The following CDON variants were observed in gnomAD, a reference collection of about 807,000 sequenced individuals.
CDON encodes cell adhesion associated, oncogene regulated, also known as cell adhesion molecule-related/down-regulated by oncogenes.
Under a neutral mutation model 120.9 loss-of-function variants are expected in CDON, and 73 were observed. That is an observed-to-expected ratio of 0.60 (90% confidence interval 0.50 to 0.73). CDON has a LOEUF of 0.73. Among genes scored for constraint, CDON ranks in the 30% least tolerant of loss-of-function variants. The probability of loss-of-function intolerance (pLI) is 0.00; values close to 1 mark genes in which losing one functional copy is unlikely to be tolerated. For missense variants in CDON, 1,470 were observed against 1,587.3 expected (o/e 0.93, Z 1.26); for synonymous variants, 566 against 573.5 (o/e 0.99, Z 0.19).
At chr11:125,995,304 C>G (rs142015883) in intron 12 of CDON, among the ~76,000 whole-genome samples, 58 of 152,258 alleles carry the variant, frequency 3.8e-4, no homozygotes, top group African/African-American at 1.3e-3. Context: ...CAAGAAAGAG[C>G]ACTGCAAAAG....
intron 1 of CDON, among the ~76,000 whole-genome samples, chr11:126,028,707 A>AATTTATTTATTTATTT (rs60571626): frequency 7.5e-5 from 11 of 145,820 alleles, no homozygotes; most frequent in South Asian, 2.2e-4. Context: ...AGCTGCGGAG[A>AATTTATTTATTTATTT]ATTTATTTAT....
chr11:126,028,875 A>T (rs1332639443), intron 1 of CDON, among the ~76,000 whole-genome samples: 5 of 151,742 alleles, frequency 3.3e-5, no homozygotes, highest in Non-Finnish European at 7.4e-5. Context: ...TCTAGATAAC[A>T]CTCTATGAAT....
intron 9 of CDON, among the ~76,000 whole-genome samples, chr11:126,004,758 C>T (rs1947063581): frequency 6.6e-6 from 1 of 152,090 alleles, no homozygotes; most frequent in South Asian, 2.1e-4. Context: ...TGTTATTTTT[C>T]CTAGTCATTA....
rs537243111 is a variant in CDON at position 126,021,358 on chromosome 11, C to T, written c.239G>A (p.Gly80Glu). Residue 80 changes from glycine to glutamate, a missense_variant, in exon 3 of 20, where the codon GGG becomes GAG. Physicochemically the swap from Gly to Glu is moderately conservative, Grantham distance 98 (BLOSUM62 -2). Coordinates refer to ENST00000531738, the MANE Select transcript of CDON (RefSeq NM_001378964.1). ...GTTGAGAGAAAGAATTGTCAGAGTC[C>T]CCTGATGAATCTTAACATGTTCCAG... ...GNLEHVKIHQ[G>E]TLTILSLNSS... 7.4e-6 allele frequency: 12 copies of T among 1,614,044 alleles called. No homozygotes were observed. The highest frequency in any genetic ancestry group is 8.5e-6 in the Non-Finnish European group (10 of 1,180,000).
chr11:125,985,816 A>T (rs1316979186), intron 15 of CDON, among the ~76,000 whole-genome samples: 1 of 151,788 alleles, frequency 6.6e-6, no homozygotes, highest in East Asian at 1.9e-4. Context: ...TCAGCAAACA[A>T]CAGGTGCTGG....
intron 1 of CDON, among the ~76,000 whole-genome samples, chr11:126,032,593 C>T (rs766954561): frequency 6.6e-6 from 1 of 152,124 alleles, no homozygotes; most frequent in Non-Finnish European, 1.5e-5. Flanking sequence ...ATGTGGAAAA[C>T]AGTTGAGGAT....
chr11:125,987,849 T>G (rs1048985258), intron 15 of CDON, among the ~76,000 whole-genome samples: 2 of 152,182 alleles, frequency 1.3e-5, no homozygotes, highest in African/African-American at 4.8e-5. Flanking sequence ...TCTAAAGGTA[T>G]ATGGATATAT....
chr11:126,014,753 T>C (rs537242034), intron 7 of CDON: 1 of 157,484 alleles, frequency 6.3e-6, no homozygotes, highest in South Asian at 1.9e-4. Flanking sequence ...TTATGTACCA[T>C]ATGAGAAGAT....
chr11:125,973,956 C>T (rs1336296141), intron 18 of CDON, among the ~76,000 whole-genome samples: 1 of 151,792 alleles, frequency 6.6e-6, no homozygotes, highest in African/African-American at 2.4e-5. Context: ...AGTGCAGTGG[C>T]GTGATCTTGG....
At chr11:125,968,983 T>G (rs994312931) in intron 18 of CDON, among the ~76,000 whole-genome samples, 1 of 152,194 alleles carries the variant, frequency 6.6e-6, no homozygotes, top group Admixed American at 6.5e-5. Context: ...TAACCAGACA[T>G]GATATATGAA....
In CDON at chr11:125,984,054, T is replaced by C. The variant is rs745395683; in HGVS notation, c.2813A>G (p.Asp938Gly). Residue 938 changes from aspartate (D) to glycine (G), a missense_variant, in exon 16 of 20, where the codon GAC becomes GGC. Physicochemically the swap from Asp to Gly is moderately conservative, Grantham distance 94 (BLOSUM62 -1). Coordinates refer to ENST00000531738, the MANE Select transcript of CDON (RefSeq NM_001378964.1). Reference sequence around the variant, plus strand: ...CAAAGAATTTGGAGGGGTACTCAAGTCTTTGACAGGATATTCAGAAGCTCC... The same window carrying C: ...CAAAGAATTTGGAGGGGTACTCAAGCCTTTGACAGGATATTCAGAAGCTCC... Reference protein sequence around the residue: ...VPGASEYPVKDLSTPPNSLGS... With the variant: ...VPGASEYPVKGLSTPPNSLGS... The C allele has an allele frequency of 6.2e-7, 1 of 1,613,906 alleles. No homozygotes were observed. The highest frequency in any genetic ancestry group is 8.5e-7 in the Non-Finnish European group (1 of 1,179,824).
chr11:126,010,301 G>A (rs1261192973), intron 8 of CDON, 40 bp downstream of exon 8: 1 of 1,314,562 alleles, frequency 7.6e-7, no homozygotes, highest in East Asian at 2.5e-5. Context: ...ATTATAAAAG[G>A]AAATTACTCA....
At chr11:125,963,910 C>T (rs1945719085) in intron 18 of CDON, among the ~76,000 whole-genome samples, 1 of 152,172 alleles carries the variant, frequency 6.6e-6, no homozygotes, top group Non-Finnish European at 1.5e-5. Context: ...TAACTGGAGC[C>T]ACAATCAGAG....
intron 16 of CDON, 80 bp from the exon 17 acceptor site, chr11:125,981,409 CACAT>C: frequency 7.0e-7 from 1 of 1,431,102 alleles, no homozygotes; most frequent in Admixed American, 1.7e-5. Flanking sequence ...CACGCATGCA[CACAT>C]GCACATACGC....
Position 125,996,931 on chromosome 11 carries a change from T to C in CDON, c.2362+276A>G, listed in dbSNP as rs2508965. On this transcript the variant is annotated intron_variant, in intron 12 of 19. Coordinates refer to ENST00000531738, the MANE Select transcript of CDON (RefSeq NM_001378964.1). The stretch of plus-strand genomic sequence containing the variant: ...GCTCACGCCTGTAATCCCAGCACTT[T>C]AGTAGGAGACCGAGGGCGGCAAATT... 0.32 allele frequency among the ~76,000 whole-genome samples: 48,274 copies of C among 152,000 alleles called. 7,745 individuals carry two copies. Among genetic ancestry groups the C allele is most frequent in the South Asian group, 0.36 (1,711 of 4,814 alleles).
rs746012079 is a variant in CDON, at chr11:126,023,386, CA to C, written c.76+14del. The C allele has an allele frequency of 2.1e-5, 33 of 1,565,746 alleles. 1 individual carries two copies. In the Admixed American group the frequency reaches 4.2e-4, roughly 20 times the overall value. On this transcript the variant is annotated intron_variant, in intron 2 of 19. Coordinates refer to ENST00000531738, the MANE Select transcript of CDON (RefSeq NM_001378964.1). Reference sequence around the variant, plus strand: ...AGTAAAGGCCAAACCACCCCCTCCCCAATTCTACTCTTACCTGAACTCACAG... The same window carrying C: ...AGTAAAGGCCAAACCACCCCCTCCCCATTCTACTCTTACCTGAACTCACAG...
In CDON at chr11:125,959,470, C is replaced by A. The variant is rs1945578621; in HGVS notation, c.*1472G>T. 6.6e-6 allele frequency: 1 copy of A among 152,052 alleles called. No homozygotes were observed. Among genetic ancestry groups the A allele is most frequent in the Non-Finnish European group, 1.5e-5 (1 of 68,030 alleles). 9.4% of individuals were successfully genotyped at this position (152,052 alleles called of 1,614,324 possible). On this transcript the variant is annotated 3_prime_UTR_variant, in exon 20 of 20. Transcript: ENST00000531738. The stretch of plus-strand genomic sequence containing the variant: ...GTGAAGAGCCTTCCAAAGGCAGCTG[C>A]AAATGTCCTTGTCACGCAGAGGCAG...
rs1948546811 is a variant in CDON at position 126,051,047 on chromosome 11, A to G, written c.-62+11532T>C. ...TTTTTTTCCAGAAAACTCACATTTCAACATGAAGGAAAAAAAATCCTTAAT... is the reference window on the plus strand; with the variant it reads ...TTTTTTTCCAGAAAACTCACATTTCGACATGAAGGAAAAAAAATCCTTAAT... On this transcript the variant is annotated intron_variant, in intron 1 of 19. Transcript: ENST00000531738. Among the ~76,000 whole-genome samples, 3 of 152,152 alleles carry G rather than the reference A, an allele frequency of 2.0e-5. No homozygotes were observed. In the South Asian group the frequency reaches 6.2e-4, roughly 32 times the overall value.
intron 1 of CDON, among the ~76,000 whole-genome samples, chr11:126,029,036 C>A (rs1947878307): frequency 6.6e-6 from 1 of 152,058 alleles, no homozygotes. Flanking sequence ...CAATAGCCAA[C>A]CCCATCCCTC....
Sources: allele counts gnomAD v4.1 joint callset (sites outside exome capture counted in the v4.1 genomes callset), GRCh38; gene constraint gnomAD v4.1.1; transcripts MANE v1.5; gene names NCBI Gene and HGNC (gene_info 2026-07-23, HGNC 2026-07-21).